SCFD1: variants seen among roughly 807,000 people sequenced by gnomAD.
SCFD1 encodes sec1 family domain-containing protein 1.
In SCFD1, 37 loss-of-function variants were observed where a neutral mutation model predicts 103.2. The observed-to-expected ratio is 0.36, with a 90% CI of 0.28 to 0.47. SCFD1 has a LOEUF of 0.47. Ranked by LOEUF, SCFD1 falls within the 20% of genes least tolerant of loss-of-function variation. SCFD1 has a pLI of 1.00. For synonymous variants in SCFD1, 264 were observed against 245.0 expected, an observed-to-expected ratio of 1.08 and a Z score of -0.73; for missense variants, 639 against 761.2, an observed-to-expected ratio of 0.84 and a Z score of 1.89.
intron 7 of SCFD1, chr14:30,643,790 G>T: frequency 6.6e-6 from 2 of 301,358 alleles, no homozygotes; most frequent in South Asian, 3.2e-5. Flanking sequence ...GATGCCCAAG[G>T]CTCCAGAAAA....
At chr14:30,710,748 T>C (rs1014855742) in intron 19 of SCFD1, among the ~76,000 whole-genome samples, 3 of 152,158 alleles carry the variant, frequency 2.0e-5, no homozygotes, top group Non-Finnish European at 4.4e-5. Flanking sequence ...AATTTAGAGG[T>C]ACTATGGTGG....
chr14:30,669,718 C>T (rs1888365849), intron 10 of SCFD1: 1 of 152,174 alleles, frequency 6.6e-6, no homozygotes. Flanking sequence ...CAGTTCATCA[C>T]TCAAGTGACA....
chr14:30,642,773 TTAG>T (rs1391682150), intron 6 of SCFD1, among the ~76,000 whole-genome samples: 1 of 152,234 alleles, frequency 6.6e-6, no homozygotes, highest in South Asian at 2.1e-4. Flanking sequence ...GTTGTTTTTC[TTAG>T]TAGTAGTCTC....
chr14:30,680,160 A>G (rs1005184150), intron 14 of SCFD1, among the ~76,000 whole-genome samples: 1 of 152,164 alleles, frequency 6.6e-6, no homozygotes, highest in Non-Finnish European at 1.5e-5. Context: ...CCTAATACCT[A>G]CTTTTATGAG....
At chr14:30,727,596 T>G (rs1407543647) in intron 23 of SCFD1, among the ~76,000 whole-genome samples, 3 of 152,248 alleles carry the variant, frequency 2.0e-5, no homozygotes, top group Admixed American at 6.5e-5. Context: ...AAGAGCATTC[T>G]CTTGCTCCCA....
At chr14:30,633,018 T>A (rs1308269455) in intron 3 of SCFD1, among the ~76,000 whole-genome samples, 1 of 152,212 alleles carries the variant, frequency 6.6e-6, no homozygotes, top group Non-Finnish European at 1.5e-5. Context: ...GAATACTGTA[T>A]CAGTTACTTT....
chr14:30,668,544 C>CA (rs1369894680), intron 10 of SCFD1, among the ~76,000 whole-genome samples: 2 of 152,076 alleles, frequency 1.3e-5, no homozygotes, highest in Admixed American at 6.5e-5. Context: ...CCAAAATAGA[C>CA]AAATGGGATC....
At chr14:30,715,820 T>G (rs1361374467) in intron 19 of SCFD1, 104 bp from the exon 20 acceptor site, 1 of 618,360 alleles carries the variant, frequency 1.6e-6, no homozygotes, top group African/African-American at 1.9e-5. Flanking sequence ...TAGAATGTGT[T>G]TAATTGAAAG....
chr14:30,633,829 G>C (rs1884427309), intron 3 of SCFD1, 118 bp from the exon 4 acceptor site: 1 of 500,998 alleles, frequency 2.0e-6, no homozygotes, highest in Non-Finnish European at 3.5e-6. Context: ...CTGATTAATT[G>C]CAACAAGAGC....
intron 22 of SCFD1, 32 bp from the exon 23 acceptor site, chr14:30,722,462 G>GTTTT: frequency 6.6e-6 from 8 of 1,211,056 alleles, no homozygotes; most frequent in South Asian, 4.6e-5. Flanking sequence ...TAAAAACTGT[G>GTTTT]TTTTTTTTTT....
At chr14:30,727,142 T>G (rs1434987137) in intron 23 of SCFD1, among the ~76,000 whole-genome samples, 3 of 152,132 alleles carry the variant, frequency 2.0e-5, no homozygotes, top group Non-Finnish European at 4.4e-5. Context: ...TACTAAGAAT[T>G]TTTTTAACCT....
intron 7 of SCFD1, 139 bp downstream of exon 7, chr14:30,643,544 A>G (rs1885503339): frequency 6.4e-6 from 4 of 623,508 alleles, no homozygotes; most frequent in African/African-American, 1.8e-5. Flanking sequence ...TATATATTCA[A>G]TAGTATATAA....
At chr14:30,683,119 A>G in intron 14 of SCFD1, 1 of 1,236,148 alleles carries the variant, frequency 8.1e-7, no homozygotes, top group South Asian at 1.2e-5. Context: ...GGGTTTTTCC[A>G]GGGTTTGGCA....
chr14:30,700,392 G>C (rs1354475433), intron 16 of SCFD1, 134 bp downstream of exon 16: 9 of 675,226 alleles, frequency 1.3e-5, no homozygotes, highest in Non-Finnish European at 2.3e-5. Context: ...AAGAAAAATG[G>C]CCAGGCGTGG....
At chr14:30,634,289 G>A (rs1884484183) in intron 4 of SCFD1, among the ~76,000 whole-genome samples, 1 of 151,878 alleles carries the variant, frequency 6.6e-6, no homozygotes, top group African/African-American at 2.4e-5. Context: ...AGTTAACCAG[G>A]TACTGAATAT....
At chr14:30,694,216 CTAAT>C (rs1361476652) in intron 14 of SCFD1, among the ~76,000 whole-genome samples, 2 of 152,006 alleles carry the variant, frequency 1.3e-5, no homozygotes, top group Non-Finnish European at 2.9e-5. Context: ...ATGCCAGTAA[CTAAT>C]TAATACAATA....
At chr14:30,662,524 G>A (rs1887540586) in intron 10 of SCFD1, among the ~76,000 whole-genome samples, 1 of 152,148 alleles carries the variant, frequency 6.6e-6, no homozygotes, top group Admixed American at 6.5e-5. Context: ...TAATTTGATA[G>A]TGGAAGTTGA....
At chr14:30,712,773 G>T (rs941531808) in intron 19 of SCFD1, among the ~76,000 whole-genome samples, 1 of 151,920 alleles carries the variant, frequency 6.6e-6, no homozygotes, top group Non-Finnish European at 1.5e-5. Flanking sequence ...ATCTATAATG[G>T]CTTTCTAATA....
rs1882925333 is a variant in SCFD1, at chr14:30,622,379, G to C, written c.41G>C (p.Ser14Thr). 2 of 1,557,118 alleles carry C rather than the reference G, an allele frequency of 1.3e-6. No homozygotes were observed. Among genetic ancestry groups the C allele is most frequent in the East Asian group, 4.8e-5 (2 of 41,448 alleles). The change falls in exon 1 of 25, where the codon AGT becomes ACT. Residue 14 changes from serine (S) to threonine (T), a missense_variant. Coordinates refer to ENST00000458591, the MANE Select transcript of SCFD1 (RefSeq NM_016106.4). ...GCAGCGACAGCAGCAGCAGCAGCCA[G>C]TATTCGGGAAAGGCAGACAGGTACT... The part of the protein sequence containing the change: ...AAAATAAAAA[S>T]IRERQTVALK...
Sources: allele counts gnomAD v4.1 joint callset (sites outside exome capture counted in the v4.1 genomes callset), GRCh38; gene constraint gnomAD v4.1.1; transcripts MANE v1.5; gene names NCBI Gene and HGNC (gene_info 2026-07-23, HGNC 2026-07-21).